The following SLC16A10 variants were observed in gnomAD, a reference collection of about 807,000 sequenced individuals.
SLC16A10 encodes the protein monocarboxylate transporter 10.
SLC16A10 carries 27 observed loss-of-function variants against 40.0 expected under a neutral mutation model. The ratio of observed to expected loss-of-function variants is 0.67; its 90% confidence interval spans 0.50 to 0.93. The LOEUF is 0.93. Ranked by LOEUF, SLC16A10 falls within the 40% of genes least tolerant of loss-of-function variation. The probability of loss-of-function intolerance (pLI) is 0.00; values close to 1 mark genes in which losing one functional copy is unlikely to be tolerated. For synonymous variants in SLC16A10, 213 were observed against 249.8 expected (o/e 0.85, Z 1.39); for missense variants, 529 against 658.2 (o/e 0.80, Z 2.15).
chr6:111,149,481 G>T (rs1251802214), intron 1 of SLC16A10, among the ~76,000 whole-genome samples: 3 of 152,176 alleles, frequency 2.0e-5, no homozygotes, highest in African/African-American at 7.2e-5. Context: ...CAGGACCTGG[G>T]TCATATGCCC....
At chr6:111,103,866 T>C (rs919205214) in intron 1 of SLC16A10, among the ~76,000 whole-genome samples, 1 of 152,152 alleles carries the variant, frequency 6.6e-6, no homozygotes, top group Non-Finnish European at 1.5e-5. Context: ...GTTCTGACTG[T>C]GGTTTACTAT....
At chr6:111,147,408 T>C (rs1189502291) in intron 1 of SLC16A10, among the ~76,000 whole-genome samples, 1 of 152,242 alleles carries the variant, frequency 6.6e-6, no homozygotes, top group Non-Finnish European at 1.5e-5. Flanking sequence ...AACAATATCA[T>C]GTTTTACTCA....
At chr6:111,178,024 G>GT (rs1384583977) in intron 3 of SLC16A10, among the ~76,000 whole-genome samples, 2 of 152,074 alleles carry the variant, frequency 1.3e-5, no homozygotes, top group African/African-American at 4.8e-5. Flanking sequence ...TAAAATAAAT[G>GT]TCCCCAAACA....
chr6:111,115,335 G>C (rs1486690540), intron 1 of SLC16A10, among the ~76,000 whole-genome samples: 1 of 152,178 alleles, frequency 6.6e-6, no homozygotes, highest in Non-Finnish European at 1.5e-5. Flanking sequence ...TCAGCCTCCT[G>C]AGTAGCTGGG....
chr6:111,136,752 G>A (rs896171349), intron 1 of SLC16A10, among the ~76,000 whole-genome samples: 2 of 152,226 alleles, frequency 1.3e-5, no homozygotes, highest in Non-Finnish European at 2.9e-5. Context: ...AAAGCAGAGT[G>A]TGTAGTGGTC....
chr6:111,095,784 A>G (rs1041842141), intron 1 of SLC16A10, among the ~76,000 whole-genome samples: 5 of 152,194 alleles, frequency 3.3e-5, no homozygotes, highest in African/African-American at 4.8e-5. Context: ...CATGTAAGAC[A>G]TGCCTTTGCT....
chr6:111,218,301 C>T (rs768409097), intron 4 of SLC16A10, among the ~76,000 whole-genome samples: 2 of 152,076 alleles, frequency 1.3e-5, no homozygotes, highest in Non-Finnish European at 2.9e-5. Context: ...CATTTTCGGC[C>T]AGGCGCTGTG....
chr6:111,103,201 C>T (rs550773652), intron 1 of SLC16A10, among the ~76,000 whole-genome samples: 12 of 152,078 alleles, frequency 7.9e-5, no homozygotes, highest in African/African-American at 1.2e-4. Context: ...CCACCGGGCC[C>T]GGCTCCCCAT....
chr6:111,213,542 G>T (rs1773377307), intron 4 of SLC16A10, among the ~76,000 whole-genome samples: 1 of 152,012 alleles, frequency 6.6e-6, no homozygotes, highest in East Asian at 1.9e-4. Context: ...TTGGGATGAG[G>T]GTATATACTT....
chr6:111,217,224 G>A (rs1215010310), intron 4 of SLC16A10, among the ~76,000 whole-genome samples: 3 of 152,146 alleles, frequency 2.0e-5, no homozygotes, highest in Non-Finnish European at 4.4e-5. Context: ...CTCTCCCAGC[G>A]TCACTATCTT....
intron 2 of SLC16A10, among the ~76,000 whole-genome samples, chr6:111,176,752 C>T (rs113771716): frequency 0.01 from 1,585 of 152,248 alleles, 36 homozygotes; most frequent in African/African-American, 0.036. Flanking sequence ...TTGGTAAGTA[C>T]CTGGAAAAAC....
chr6:111,170,237 A>G (rs1408483253), intron 1 of SLC16A10, among the ~76,000 whole-genome samples: 2 of 151,872 alleles, frequency 1.3e-5, no homozygotes, highest in East Asian at 1.9e-4. Context: ...TCTTGAAAAT[A>G]TCTTCACTCA....
At chr6:111,093,617 A>AT (rs1227214021) in intron 1 of SLC16A10, among the ~76,000 whole-genome samples, 1 of 152,320 alleles carries the variant, frequency 6.6e-6, no homozygotes, top group East Asian at 1.9e-4. Context: ...CGCTAAAGAG[A>AT]TTTTGTTTTG....
intron 5 of SLC16A10, 47 bp from the exon 6 acceptor site, chr6:111,221,956 C>A: frequency 6.4e-7 from 1 of 1,557,160 alleles, no homozygotes; most frequent in Non-Finnish European, 8.6e-7. Context: ...AGACCCCCTA[C>A]AGAGCCACAC....
chr6:111,102,494 A>C (rs903537683), intron 1 of SLC16A10, among the ~76,000 whole-genome samples: 1 of 152,186 alleles, frequency 6.6e-6, no homozygotes, highest in Admixed American at 6.5e-5. Context: ...TAATATTTGA[A>C]AATACAAGAG....
At chr6:111,203,373 G>T (rs1249021576) in intron 3 of SLC16A10, among the ~76,000 whole-genome samples, 1 of 152,150 alleles carries the variant, frequency 6.6e-6, no homozygotes, top group East Asian at 1.9e-4. Context: ...GAATAGGGAG[G>T]AGTATTAGAA....
rs552024806 is a variant in SLC16A10, at chr6:111,217,903, A to G, written c.1087-911A>G. On this transcript the variant is annotated intron_variant, in intron 4 of 5. Transcript: ENST00000368851. ...TATTTATTTAAATGTCCATCTTTCC[A>G]TAACCCAAGGGTAGGAACGAAATCT... 1.4e-3 allele frequency among the ~76,000 whole-genome samples: 213 copies of G among 152,328 alleles called. 1 individual carries two copies. The highest frequency in any genetic ancestry group is 2.1e-3 in the Non-Finnish European group (145 of 68,026).
At position 111,177,368 on chromosome 6, in the gene SLC16A10, CCTG is replaced by C; in HGVS notation, c.650_652del (p.Leu217del). On this transcript the variant is annotated inframe_deletion, in exon 3 of 6. Transcript: ENST00000368851. ...CTGCTGGCAGCAGTGTCTTCACAAT[CCTG>C]CTGCCTTTGCTCTTAAGGGTTCTGA... 1 of 1,613,838 alleles carries C rather than the reference CCTG, an allele frequency of 6.2e-7. No homozygotes were observed. Among genetic ancestry groups the C allele is most frequent in the Non-Finnish European group, 8.5e-7 (1 of 1,179,938 alleles).
At chr6:111,110,886 T>A (rs1227070523) in intron 1 of SLC16A10, among the ~76,000 whole-genome samples, 1 of 152,222 alleles carries the variant, frequency 6.6e-6, no homozygotes, top group Non-Finnish European at 1.5e-5. Flanking sequence ...ATAGTACTCA[T>A]ATGTTTTGAG....
Sources: gnomAD v4.1 joint callset for allele counts (sites outside exome capture counted in the v4.1 genomes callset) on GRCh38, gnomAD v4.1.1 for gene constraint, MANE v1.5 for transcripts, NCBI Gene and HGNC (gene_info 2026-07-23, HGNC 2026-07-21) for gene names.